MARCHF1: variants seen among roughly 807,000 people sequenced by gnomAD.
MARCHF1 encodes E3 ubiquitin-protein ligase MARCHF1.
A neutral mutation model predicts 54.2 loss-of-function variants in MARCHF1; 40 were observed. The ratio of observed to expected loss-of-function variants is 0.74; its 90% CI spans 0.57 to 0.96. The LOEUF is 0.96. MARCHF1 is among the 40% of genes least tolerant of loss of function. The pLI, the probability that MARCHF1 is intolerant of heterozygous loss-of-function variation, is 0.00. For missense variants in MARCHF1, 586 were observed against 656.5 expected (o/e 0.89, Z 1.17); for synonymous variants, 236 against 236.3 (o/e 1.00, Z 0.01).
At chr4:164,092,485 G>A (rs919575) in intron 2 of MARCHF1, among the ~76,000 whole-genome samples, 106,248 of 151,922 alleles carry the variant, frequency 0.7, 38,771 homozygotes, top group Non-Finnish European at 0.82. Flanking sequence ...GAAGTTCAAC[G>A]GGATGTGATA....
At chr4:163,600,929 G>A (rs1256890558) in intron 7 of MARCHF1, among the ~76,000 whole-genome samples, 1 of 152,158 alleles carries the variant, frequency 6.6e-6, no homozygotes, top group African/African-American at 2.4e-5. Flanking sequence ...AAACCTGAAA[G>A]TGAATGAAGG....
intron 7 of MARCHF1, among the ~76,000 whole-genome samples, chr4:163,588,711 T>TA: frequency 6.6e-6 from 1 of 152,206 alleles, no homozygotes; most frequent in Non-Finnish European, 1.5e-5. Flanking sequence ...TATCTATTGT[T>TA]TAGAGCTGTG....
intron 2 of MARCHF1, among the ~76,000 whole-genome samples, chr4:164,053,610 G>T (rs1459457304): frequency 1.3e-5 from 2 of 152,090 alleles, no homozygotes; most frequent in East Asian, 3.8e-4. Flanking sequence ...TAAAAAAACA[G>T]TTCAAGTGCC....
At chr4:163,803,383 G>A (rs971551978) in intron 4 of MARCHF1, among the ~76,000 whole-genome samples, 5 of 152,078 alleles carry the variant, frequency 3.3e-5, no homozygotes, top group Admixed American at 1.3e-4. Context: ...ATGTTGGCCC[G>A]GCTGGTCTTG....
At position 163,613,492 on chromosome 4, in the gene MARCHF1, G is replaced by A. The variant is rs146137858; in HGVS notation, c.163-99C>T. 224 of 1,611,416 alleles carry A rather than the reference G, an allele frequency of 1.4e-4. 1 individual carries two copies. In the African/African-American group the frequency reaches 2.5e-3, roughly 18 times the overall value. On this transcript the variant is annotated intron_variant, in intron 5 of 9. Coordinates refer to ENST00000514618, the MANE Select transcript of MARCHF1 (RefSeq NM_001394959.1). The stretch of plus-strand genomic sequence containing the variant: ...ATATTTAAAAAATTACAACAAACGT[G>A]GCTGCTGGTCATGTTGCTTATAATG...
At chr4:164,161,078 C>G (rs1280185862) in intron 1 of MARCHF1, among the ~76,000 whole-genome samples, 1 of 152,062 alleles carries the variant, frequency 6.6e-6, no homozygotes, top group Non-Finnish European at 1.5e-5. Flanking sequence ...CCCTCCAAAT[C>G]TCATGTTGAA....
chr4:164,078,097 C>T (rs757438399), intron 2 of MARCHF1, among the ~76,000 whole-genome samples: 3 of 152,158 alleles, frequency 2.0e-5, no homozygotes, highest in Non-Finnish European at 4.4e-5. Context: ...TTTATTGCAG[C>T]GCTGTTCCCA....
intron 2 of MARCHF1, among the ~76,000 whole-genome samples, chr4:164,010,149 C>T (rs1422568875): frequency 2.0e-5 from 3 of 149,906 alleles, no homozygotes; most frequent in African/African-American, 7.4e-5. Flanking sequence ...TCACTGCAAC[C>T]TCTGCCTCCC....
chr4:164,167,108 C>T (rs1730401966), intron 1 of MARCHF1, among the ~76,000 whole-genome samples: 1 of 151,610 alleles, frequency 6.6e-6, no homozygotes, highest in Non-Finnish European at 1.5e-5. Context: ...TTACAATCAC[C>T]ATGGTTGTAA....
chr4:164,022,513 G>T (rs189930747), intron 2 of MARCHF1, among the ~76,000 whole-genome samples: 1 of 152,100 alleles, frequency 6.6e-6, no homozygotes, highest in Non-Finnish European at 1.5e-5. Flanking sequence ...GGCGAGTTAA[G>T]GGAAGGATGG....
At chr4:164,337,809 T>A (rs534038799) in intron 1 of MARCHF1, among the ~76,000 whole-genome samples, 4 of 152,104 alleles carry the variant, frequency 2.6e-5, no homozygotes, top group Non-Finnish European at 5.9e-5. Flanking sequence ...AACTCAAGCA[T>A]GCCAATGCAT....
chr4:163,685,656 G>A (rs1579194263), intron 5 of MARCHF1, among the ~76,000 whole-genome samples: 1 of 152,020 alleles, frequency 6.6e-6, no homozygotes, highest in South Asian at 2.1e-4. Flanking sequence ...GCTTTACCAT[G>A]TTGGCCAGGC....
intron 4 of MARCHF1, among the ~76,000 whole-genome samples, chr4:163,803,557 G>A (rs1173666916): frequency 6.6e-6 from 1 of 151,634 alleles, no homozygotes; most frequent in Admixed American, 6.6e-5. Flanking sequence ...AAATGCTTTA[G>A]CTTTGCAAGC....
chr4:164,267,800 G>C (rs1156584202), intron 1 of MARCHF1, among the ~76,000 whole-genome samples: 1 of 152,136 alleles, frequency 6.6e-6, no homozygotes, highest in Non-Finnish European at 1.5e-5. Flanking sequence ...AAGAGAGCCA[G>C]CAAATAAATT....
intron 3 of MARCHF1, among the ~76,000 whole-genome samples, chr4:163,936,699 A>T (rs1751803309): frequency 6.6e-6 from 1 of 152,212 alleles, no homozygotes; most frequent in Non-Finnish European, 1.5e-5. Context: ...TGACTATACC[A>T]GCTTGAGATG....
At chr4:163,836,925 A>T (rs1749204319) in intron 4 of MARCHF1, among the ~76,000 whole-genome samples, 1 of 152,124 alleles carries the variant, frequency 6.6e-6, no homozygotes, top group Non-Finnish European at 1.5e-5. Flanking sequence ...TTGAAGCAGA[A>T]GCCATTCTAA....
At chr4:163,581,480 C>A (rs1740230293) in intron 8 of MARCHF1, among the ~76,000 whole-genome samples, 1 of 152,126 alleles carries the variant, frequency 6.6e-6, no homozygotes, top group Non-Finnish European at 1.5e-5. Flanking sequence ...AGGAATCTGG[C>A]CTTATCCCTT....
intron 1 of MARCHF1, among the ~76,000 whole-genome samples, chr4:164,273,186 T>G (rs1733785084): frequency 6.6e-6 from 1 of 152,002 alleles, no homozygotes; most frequent in African/African-American, 2.4e-5. Flanking sequence ...TCAGTACAGC[T>G]TGGGAGGCCA....
intron 3 of MARCHF1, among the ~76,000 whole-genome samples, chr4:163,915,549 G>A (rs1328433956): frequency 6.6e-6 from 1 of 152,054 alleles, no homozygotes; most frequent in African/African-American, 2.4e-5. Context: ...ATAAATTGTG[G>A]ATTTTAATTA....
Sources: allele counts gnomAD v4.1 joint callset (sites outside exome capture counted in the v4.1 genomes callset), GRCh38; gene constraint gnomAD v4.1.1; transcripts MANE v1.5; gene names NCBI Gene and HGNC (gene_info 2026-07-23, HGNC 2026-07-21).